The following GALNTL6 variants were observed in gnomAD, a reference collection of about 807,000 sequenced individuals.
GALNTL6 encodes polypeptide N-acetylgalactosaminyltransferase-like 6.
Under a neutral mutation model 73.7 loss-of-function variants are expected in GALNTL6, and 46 were observed. The observed-to-expected ratio is 0.62, with a 90% CI of 0.49 to 0.80. The LOEUF (loss-of-function observed/expected upper bound fraction) is 0.80. Among genes scored for constraint, GALNTL6 ranks in the 30% least tolerant of loss-of-function variants. The pLI is 0.00. For synonymous variants in GALNTL6, 259 were observed against 263.7 expected (o/e 0.98, Z 0.17); for missense variants, 604 against 755.0 (o/e 0.80, Z 2.34).
chr4:172,086,305 A>C (rs1361551901), intron 2 of GALNTL6, among the ~76,000 whole-genome samples: 2 of 152,112 alleles, frequency 1.3e-5, no homozygotes, highest in African/African-American at 4.8e-5. Flanking sequence ...ATGTTAAGGG[A>C]AACATCGTGT....
chr4:172,447,840 C>T (rs1013789764), intron 5 of GALNTL6, among the ~76,000 whole-genome samples: 4 of 151,974 alleles, frequency 2.6e-5, no homozygotes, highest in Non-Finnish European at 5.9e-5. Flanking sequence ...AAAATAAGAG[C>T]TTTAGAAGGG....
chr4:172,866,101 G>A (rs1235235888), intron 7 of GALNTL6, among the ~76,000 whole-genome samples: 3 of 152,024 alleles, frequency 2.0e-5, no homozygotes, highest in Non-Finnish European at 4.4e-5. Flanking sequence ...TTCCCACTTG[G>A]ATGCCTGTAA....
At chr4:172,378,496 G>A (rs1017037682) in intron 5 of GALNTL6, among the ~76,000 whole-genome samples, 1 of 152,062 alleles carries the variant, frequency 6.6e-6, no homozygotes, top group Non-Finnish European at 1.5e-5. Flanking sequence ...AAAAATACAG[G>A]AAACTAAACA....
At chr4:172,891,175 G>A (rs763861217) in intron 8 of GALNTL6, among the ~76,000 whole-genome samples, 17 of 151,266 alleles carry the variant, frequency 1.1e-4, no homozygotes, top group African/African-American at 1.9e-4. Context: ...GAGGCATTTA[G>A]ACCAATATGC....
intron 5 of GALNTL6, among the ~76,000 whole-genome samples, chr4:172,474,832 C>T (rs1322459842): frequency 6.6e-6 from 1 of 152,148 alleles, no homozygotes; most frequent in Non-Finnish European, 1.5e-5. Context: ...GACAGCTGTT[C>T]TATTTTTGCA....
chr4:172,000,671 T>C (rs1740648096), intron 2 of GALNTL6, among the ~76,000 whole-genome samples: 1 of 152,092 alleles, frequency 6.6e-6, no homozygotes, highest in Non-Finnish European at 1.5e-5. Context: ...TAGGCTATGT[T>C]ATGGTAAGAA....
intron 5 of GALNTL6, among the ~76,000 whole-genome samples, chr4:172,580,387 T>A (rs1259350683): frequency 6.6e-6 from 1 of 152,218 alleles, no homozygotes; most frequent in African/African-American, 2.4e-5. Flanking sequence ...AAACAACTTG[T>A]ATTTAAAAAA....
intron 5 of GALNTL6, among the ~76,000 whole-genome samples, chr4:172,368,746 T>A (rs1318254042): frequency 1.3e-5 from 2 of 152,152 alleles, no homozygotes; most frequent in Non-Finnish European, 1.5e-5. Flanking sequence ...TTCCCTCTGG[T>A]GGGTTCTTGG....
chr4:172,094,600 G>GT (rs1255258486), intron 2 of GALNTL6, among the ~76,000 whole-genome samples: 5 of 151,896 alleles, frequency 3.3e-5, no homozygotes, highest in African/African-American at 4.8e-5. Context: ...TAAATTATGT[G>GT]TTTTTTTATA....
At chr4:172,384,888 G>A (rs1349610594) in intron 5 of GALNTL6, among the ~76,000 whole-genome samples, 1 of 151,856 alleles carries the variant, frequency 6.6e-6, no homozygotes, top group Non-Finnish European at 1.5e-5. Flanking sequence ...TGAAATTATA[G>A]ACATGGGCCA....
chr4:172,669,001 G>A (rs138897899), intron 5 of GALNTL6: 5 of 150,770 alleles, frequency 3.3e-5, no homozygotes, highest in East Asian at 1.9e-4. Context: ...GACATTTTAT[G>A]GAAAAAAAAA....
At chr4:172,624,772 T>TA (rs1300581207) in intron 5 of GALNTL6, among the ~76,000 whole-genome samples, 2 of 149,566 alleles carry the variant, frequency 1.3e-5, no homozygotes, top group Non-Finnish European at 1.5e-5. Context: ...GTTTTTTTTT[T>TA]ATTTTTTTGT....
intron 11 of GALNTL6, among the ~76,000 whole-genome samples, chr4:173,015,438 G>A (rs1752742461): frequency 6.6e-6 from 1 of 152,180 alleles, no homozygotes; most frequent in Admixed American, 6.5e-5. Context: ...AGGAAAGTTT[G>A]GAACTTCCTA....
At chr4:172,544,183 T>C (rs1735672450) in intron 5 of GALNTL6, among the ~76,000 whole-genome samples, 1 of 152,188 alleles carries the variant, frequency 6.6e-6, no homozygotes, top group African/African-American at 2.4e-5. Flanking sequence ...CTCAACAGCC[T>C]GTATCTGTGG....
At chr4:171,895,238 G>A (rs1736874284) in intron 2 of GALNTL6, among the ~76,000 whole-genome samples, 1 of 152,132 alleles carries the variant, frequency 6.6e-6, no homozygotes, top group Non-Finnish European at 1.5e-5. Context: ...TTCAGAAGAG[G>A]AGTTATATTT....
chr4:172,360,040 G>T lies in GALNTL6; in HGVS notation c.553+11351G>T, dbSNP rs2111237180. 2.0e-5 allele frequency among the ~76,000 whole-genome samples: 3 copies of T among 152,268 alleles called. 1 individual carries two copies. The Middle Eastern group carries it at 0.01, about 518-fold the overall frequency. Reference sequence around the variant, plus strand: ...TATAAAATCCAGAAGAGGGCCTAATGGCATGACTGCCCTGCTGACTTACTT... The same window carrying T: ...TATAAAATCCAGAAGAGGGCCTAATTGCATGACTGCCCTGCTGACTTACTT... On this transcript the variant is annotated intron_variant, in intron 5 of 12. Transcript: ENST00000506823.
intron 7 of GALNTL6, among the ~76,000 whole-genome samples, chr4:172,880,897 A>G (rs1745419300): frequency 6.6e-6 from 1 of 152,140 alleles, no homozygotes; most frequent in African/African-American, 2.4e-5. Flanking sequence ...TAAGAAAACA[A>G]GATTATTGTG....
At chr4:172,203,436 A>T (rs1292190886) in intron 2 of GALNTL6, among the ~76,000 whole-genome samples, 2 of 152,194 alleles carry the variant, frequency 1.3e-5, no homozygotes, top group Non-Finnish European at 2.9e-5. Context: ...GCGGTATTTT[A>T]AAAAGTATTT....
chr4:172,628,396 A>C (rs1579259181), intron 5 of GALNTL6, among the ~76,000 whole-genome samples: 1 of 152,076 alleles, frequency 6.6e-6, no homozygotes, highest in African/African-American at 2.4e-5. Context: ...TTTTTTCAAA[A>C]TATTTAACCT....
Sources: gnomAD v4.1 joint callset for allele counts (sites outside exome capture counted in the v4.1 genomes callset) on GRCh38, gnomAD v4.1.1 for gene constraint, MANE v1.5 for transcripts, NCBI Gene and HGNC (gene_info 2026-07-23, HGNC 2026-07-21) for gene names.